The following SAMTOR variants were observed in gnomAD, a reference collection of about 807,000 sequenced individuals.
SAMTOR encodes UPF0532 protein C7orf60.
chr7:112,890,960 G>A, the SAMTOR span, among the ~76,000 whole-genome samples: 3 of 152,168 alleles, frequency 2.0e-5, no homozygotes, highest in South Asian at 6.2e-4. Flanking sequence ...AAAGTGCTGG[G>A]ATTACAGGCA....
chr7:112,833,534 AT>A, the SAMTOR span, among the ~76,000 whole-genome samples: 1 of 152,130 alleles, frequency 6.6e-6, no homozygotes, highest in Non-Finnish European at 1.5e-5. Context: ...AAAAATTTGT[AT>A]TTCTTCCACT....
the SAMTOR span, among the ~76,000 whole-genome samples, chr7:112,929,764 A>G: frequency 6.6e-6 from 1 of 152,116 alleles, no homozygotes; most frequent in African/African-American, 2.4e-5. Flanking sequence ...AAATTTTGGC[A>G]GTGATGAAAA....
the SAMTOR span, chr7:112,895,831 A>G: frequency 1.3e-6 from 1 of 783,600 alleles, no homozygotes; most frequent in Admixed American, 3.8e-5. Flanking sequence ...AAGATGGGAA[A>G]CTTTCAAATT....
the SAMTOR span, among the ~76,000 whole-genome samples, chr7:112,874,331 A>T: frequency 6.6e-6 from 1 of 152,216 alleles, no homozygotes; most frequent in Non-Finnish European, 1.5e-5. Context: ...AATGTGATAC[A>T]TGTGTACCAC....
chr7:112,905,636 T>C, the SAMTOR span, among the ~76,000 whole-genome samples: 3 of 152,188 alleles, frequency 2.0e-5, no homozygotes, highest in Non-Finnish European at 2.9e-5. Flanking sequence ...AATCCACTAA[T>C]ATAATTCACT....
chr7:112,939,024 CA>C, the SAMTOR span, among the ~76,000 whole-genome samples: 1 of 152,162 alleles, frequency 6.6e-6, no homozygotes, highest in African/African-American at 2.4e-5. Flanking sequence ...CCCCTTTTAA[CA>C]ATGTGAAGTC....
chr7:112,863,802 C>T, the SAMTOR span, among the ~76,000 whole-genome samples: 1 of 152,196 alleles, frequency 6.6e-6, no homozygotes, highest in East Asian at 1.9e-4. Flanking sequence ...AATGCTTACA[C>T]ACTCCTGGTG....
the SAMTOR span, chr7:112,821,786 A>T: frequency 1.4e-5 from 23 of 1,612,414 alleles, no homozygotes; most frequent in East Asian, 5.1e-4. Flanking sequence ...CATAGAAAGG[A>T]ATAGAGCTGG....
At chr7:112,910,399 C>G in the SAMTOR span, among the ~76,000 whole-genome samples, 2 of 151,806 alleles carry the variant, frequency 1.3e-5, no homozygotes, top group African/African-American at 4.8e-5. Flanking sequence ...CAAAAGAATG[C>G]CAGCTAATAA....
chr7:112,932,142 GT>G, the SAMTOR span, among the ~76,000 whole-genome samples: 1 of 151,956 alleles, frequency 6.6e-6, no homozygotes, highest in Non-Finnish European at 1.5e-5. Context: ...AACCAGGATG[GT>G]CTCTATCTCT....
chr7:112,830,190 T>C, the SAMTOR span, among the ~76,000 whole-genome samples: 1 of 152,136 alleles, frequency 6.6e-6, no homozygotes, highest in Non-Finnish European at 1.5e-5. Context: ...AGAGTAATTG[T>C]AGGGCTTGTC....
At chr7:112,849,671 G>C in the SAMTOR span, among the ~76,000 whole-genome samples, 3 of 152,236 alleles carry the variant, frequency 2.0e-5, no homozygotes, top group Non-Finnish European at 2.9e-5. Flanking sequence ...TCTTTGTCTT[G>C]TTCCAGTTCT....
the SAMTOR span, among the ~76,000 whole-genome samples, chr7:112,923,771 T>G: frequency 6.6e-6 from 1 of 151,900 alleles, no homozygotes. Context: ...CTATTCACAA[T>G]AGCAAAGACT....
chr7:112,854,680 C>T, the SAMTOR span, among the ~76,000 whole-genome samples: 25 of 152,234 alleles, frequency 1.6e-4, no homozygotes, highest in African/African-American at 5.8e-4. Flanking sequence ...TTTCTTTAGT[C>T]CAATGTTTCC....
chr7:112,824,155 T>C, the SAMTOR span, among the ~76,000 whole-genome samples: 2 of 152,202 alleles, frequency 1.3e-5, no homozygotes, highest in African/African-American at 4.8e-5. Flanking sequence ...ACAGTGTCCT[T>C]TGAAGAGCTG....
the SAMTOR span, chr7:112,915,563 A>T: frequency 2.9e-6 from 2 of 683,570 alleles, no homozygotes; most frequent in Non-Finnish European, 4.2e-6. Context: ...ATTATAAAGT[A>T]AAACCATAAA....
chr7:112,849,897 T>C, the SAMTOR span, among the ~76,000 whole-genome samples: 3 of 152,212 alleles, frequency 2.0e-5, no homozygotes, highest in Admixed American at 2.0e-4. Context: ...ATGACATTTA[T>C]TGATTGCATA....
the SAMTOR span, among the ~76,000 whole-genome samples, chr7:112,881,830 G>A: frequency 6.6e-6 from 1 of 152,256 alleles, no homozygotes; most frequent in Admixed American, 6.5e-5. Flanking sequence ...TCCTGGATAC[G>A]GGAAAAGAAC....
chr7:112,892,682 G>A, the SAMTOR span, among the ~76,000 whole-genome samples: 15 of 152,014 alleles, frequency 9.9e-5, no homozygotes, highest in East Asian at 1.7e-3. Flanking sequence ...TGAGGTGGGA[G>A]GGTCACTTGA....
Sources: allele counts gnomAD v4.1 joint callset (sites outside exome capture counted in the v4.1 genomes callset), GRCh38; gene constraint gnomAD v4.1.1; transcripts MANE v1.5; gene names NCBI Gene and HGNC (gene_info 2026-07-23, HGNC 2026-07-21).